CTNNA3: variants seen among roughly 807,000 people sequenced by gnomAD.
The protein encoded by CTNNA3 is catenin alpha-3.
CTNNA3 carries 76 observed loss-of-function variants against 95.7 expected under a neutral mutation model. The observed-to-expected ratio is 0.79, with a 90% confidence interval of 0.66 to 0.96. CTNNA3 has a LOEUF of 0.96. Ranked by LOEUF, CTNNA3 falls within the 40% of genes least tolerant of loss-of-function variation. The pLI, the probability that CTNNA3 is intolerant of heterozygous loss-of-function variation, is 0.00. For synonymous variants in CTNNA3, 431 were observed against 374.4 expected (o/e 1.15, Z -1.74); for missense variants, 1,191 against 1,089.8 (o/e 1.09, Z -1.31).
intron 17 of CTNNA3, among the ~76,000 whole-genome samples, chr10:65,923,660 T>C (rs956224799): frequency 2.6e-5 from 4 of 152,224 alleles, no homozygotes; most frequent in Non-Finnish European, 5.9e-5. Flanking sequence ...GTTCATTCTT[T>C]GGATATGAAG....
intron 2 of CTNNA3, among the ~76,000 whole-genome samples, chr10:67,625,661 T>C (rs1838926023): frequency 6.6e-6 from 1 of 152,182 alleles, no homozygotes; most frequent in Admixed American, 6.5e-5. Flanking sequence ...GAAATTCTCT[T>C]AGTAAGATTT....
At chr10:66,379,383 C>T (rs770508772) in intron 11 of CTNNA3, 31 bp from the exon 12 acceptor site, 8 of 1,559,110 alleles carry the variant, frequency 5.1e-6, no homozygotes, top group East Asian at 2.2e-5. Context: ...TTAGTTTTTG[C>T]GTGTGTCTGT....
chr10:67,504,603 C>G (rs1221827568), intron 5 of CTNNA3, among the ~76,000 whole-genome samples: 1 of 152,042 alleles, frequency 6.6e-6, no homozygotes, highest in East Asian at 1.9e-4. Flanking sequence ...TACTCATGAG[C>G]ACCAACCACA....
intron 3 of CTNNA3, among the ~76,000 whole-genome samples, chr10:67,595,956 C>CT (rs1221653053): frequency 2.0e-5 from 3 of 152,006 alleles, no homozygotes; most frequent in Admixed American, 6.6e-5. Context: ...AACCTCAGCT[C>CT]TTTTTTGTTT....
rs558222657 is a variant in CTNNA3 at position 66,255,134 on chromosome 10, C to T, written c.1884+25336G>A. Among the ~76,000 whole-genome samples the T allele has an allele frequency of 5.3e-5, 8 of 152,244 alleles. No homozygotes were observed. In the South Asian group the frequency reaches 1.5e-3, roughly 28 times the overall value. On this transcript the variant is annotated intron_variant, in intron 13 of 17. Transcript: ENST00000433211. ...TTGAACTTTGTCACAGACATCACAT[C>T]GCAAGTCACGGACAAGTTCTCCTTC... is the stretch of plus-strand genomic sequence containing the variant.
At chr10:67,671,841 G>C (rs952349316) in intron 1 of CTNNA3, among the ~76,000 whole-genome samples, 1 of 151,900 alleles carries the variant, frequency 6.6e-6, no homozygotes, top group Non-Finnish European at 1.5e-5. Context: ...TGTCTTTATA[G>C]CAGCATGATT....
intron 12 of CTNNA3, among the ~76,000 whole-genome samples, chr10:66,292,447 C>T (rs989798610): frequency 6.6e-6 from 1 of 152,100 alleles, no homozygotes; most frequent in Non-Finnish European, 1.5e-5. Flanking sequence ...AAGGAGTTAT[C>T]ATTAAGTTAT....
At chr10:66,147,097 C>A (rs1339392596) in intron 13 of CTNNA3, among the ~76,000 whole-genome samples, 1 of 151,984 alleles carries the variant, frequency 6.6e-6, no homozygotes, top group Non-Finnish European at 1.5e-5. Flanking sequence ...ATATTTATAT[C>A]TCTCTTGTTA....
At chr10:66,495,307 A>G (rs565421179) in intron 11 of CTNNA3, among the ~76,000 whole-genome samples, 3 of 152,180 alleles carry the variant, frequency 2.0e-5, no homozygotes, top group Admixed American at 2.0e-4. Context: ...ACCAAATTTT[A>G]TCTGAAAAAA....
intron 9 of CTNNA3, among the ~76,000 whole-genome samples, chr10:66,717,178 G>C (rs1336868333): frequency 6.6e-6 from 1 of 151,922 alleles, no homozygotes; most frequent in Non-Finnish European, 1.5e-5. Flanking sequence ...ATCAACTCTT[G>C]CCTGAGTTTA....
At chr10:67,103,382 CT>C (rs1354450473) in intron 7 of CTNNA3, among the ~76,000 whole-genome samples, 1 of 151,726 alleles carries the variant, frequency 6.6e-6, no homozygotes, top group Non-Finnish European at 1.5e-5. Context: ...CCCATTAACT[CT>C]TTCGAGAGGC....
At chr10:67,211,576 C>T (rs74142422) in intron 6 of CTNNA3, among the ~76,000 whole-genome samples, 6,577 of 152,160 alleles carry the variant, frequency 0.043, 181 homozygotes, top group South Asian at 0.088. Context: ...ATGTTTAAAG[C>T]AATTACTATG....
chr10:66,626,303 A>C (rs16923326), intron 9 of CTNNA3, among the ~76,000 whole-genome samples: 9,968 of 152,154 alleles, frequency 0.066, 663 homozygotes, highest in African/African-American at 0.17. Flanking sequence ...ATCTCTCCAG[A>C]ACACGAAGCA....
chr10:67,620,875 G>GTA (rs1337372271), intron 2 of CTNNA3, among the ~76,000 whole-genome samples: 19 of 147,462 alleles, frequency 1.3e-4, no homozygotes, highest in African/African-American at 3.5e-4. Flanking sequence ...TTTCACTACT[G>GTA]TACATATATA....
intron 13 of CTNNA3, among the ~76,000 whole-genome samples, chr10:66,151,256 C>T (rs2084184839): frequency 6.6e-6 from 1 of 151,834 alleles, no homozygotes; most frequent in Non-Finnish European, 1.5e-5. Context: ...CTGGTTACTT[C>T]TAGCTTGAAG....
intron 5 of CTNNA3, among the ~76,000 whole-genome samples, chr10:67,395,779 C>T (rs1844685938): frequency 6.6e-6 from 1 of 152,038 alleles, no homozygotes; most frequent in African/African-American, 2.4e-5. Context: ...TCCATTAATC[C>T]CACTATCCAA....
intron 11 of CTNNA3, among the ~76,000 whole-genome samples, chr10:66,472,983 G>T (rs187095524): frequency 1.1e-4 from 17 of 151,996 alleles, no homozygotes; most frequent in South Asian, 1.0e-3. Flanking sequence ...TCTGACACTT[G>T]CCTCCCACTT....
intron 10 of CTNNA3, among the ~76,000 whole-genome samples, chr10:66,613,521 C>A (rs927238687): frequency 1.3e-5 from 2 of 151,938 alleles, no homozygotes; most frequent in Non-Finnish European, 2.9e-5. Flanking sequence ...ACATTTATTT[C>A]CAGTCTTAGT....
At chr10:67,072,694 C>T (rs1022517217) in intron 7 of CTNNA3, among the ~76,000 whole-genome samples, 6 of 152,156 alleles carry the variant, frequency 3.9e-5, no homozygotes, top group Non-Finnish European at 7.3e-5. Context: ...ATATCTTTAT[C>T]TTCTGGGCCC....
Sources: allele counts gnomAD v4.1 joint callset (sites outside exome capture counted in the v4.1 genomes callset), GRCh38; gene constraint gnomAD v4.1.1; transcripts MANE v1.5; gene names NCBI Gene and HGNC (gene_info 2026-07-23, HGNC 2026-07-21).